The following CDH6 variants were observed in gnomAD, a reference collection of about 807,000 sequenced individuals.
CDH6 encodes cadherin-6.
CDH6 carries 31 observed loss-of-function variants against 78.0 expected under a neutral mutation model. The ratio of observed to expected loss-of-function variants is 0.40; its 90% confidence interval spans 0.30 to 0.54. The LOEUF (loss-of-function observed/expected upper bound fraction) is 0.54. Among genes scored for constraint, CDH6 ranks in the 20% least tolerant of loss-of-function variants. CDH6 has a pLI of 0.56. For missense variants in CDH6, 724 were observed against 975.9 expected, an observed-to-expected ratio of 0.74 and a Z score of 3.44; for synonymous variants, 376 against 368.8, an observed-to-expected ratio of 1.02 and a Z score of -0.23.
At chr5:31,289,010 T>C (rs1181669749) in intron 2 of CDH6, among the ~76,000 whole-genome samples, 2 of 152,154 alleles carry the variant, frequency 1.3e-5, no homozygotes, top group African/African-American at 2.4e-5. Flanking sequence ...AGAGGGTACA[T>C]GCACTTGTTA....
chr5:31,239,893 A>C (rs973762572), intron 1 of CDH6, among the ~76,000 whole-genome samples: 1 of 152,208 alleles, frequency 6.6e-6, no homozygotes, highest in Non-Finnish European at 1.5e-5. Flanking sequence ...CTAGTCTAGG[A>C]AAAAAGCACA....
chr5:31,266,582 C>T (rs1042118530), intron 1 of CDH6, among the ~76,000 whole-genome samples: 1 of 151,332 alleles, frequency 6.6e-6, no homozygotes, highest in African/African-American at 2.4e-5. Flanking sequence ...CTATTAAATA[C>T]AAATTCTATA....
chr5:31,285,698 C>T (rs146783726), intron 2 of CDH6, among the ~76,000 whole-genome samples: 151 of 152,272 alleles, frequency 9.9e-4, no homozygotes, highest in African/African-American at 3.6e-3. Flanking sequence ...AAATATAGTT[C>T]GGTAAAATCT....
intron 2 of CDH6, among the ~76,000 whole-genome samples, chr5:31,274,755 G>A (rs573533163): frequency 6.6e-6 from 1 of 152,230 alleles, no homozygotes. Context: ...GGGAGGCAAA[G>A]GTTGCAGTGA....
intron 1 of CDH6, among the ~76,000 whole-genome samples, chr5:31,216,537 C>T (rs1171298417): frequency 1.3e-5 from 2 of 151,810 alleles, no homozygotes; most frequent in Non-Finnish European, 2.9e-5. Context: ...TCTACCATAG[C>T]ATAGTCAAAT....
chr5:31,314,586 G>A (rs1007234991), intron 8 of CDH6, among the ~76,000 whole-genome samples: 10 of 151,860 alleles, frequency 6.6e-5, no homozygotes, highest in Admixed American at 4.6e-4. Flanking sequence ...GATAAGGACA[G>A]CACATTAGAA....
In CDH6 at chr5:31,210,076, TTGTGTGTGTG is replaced by T. The variant is rs60543109; in HGVS notation, c.-129+16214_-129+16223del. On this transcript the variant is annotated intron_variant, in intron 1 of 11. Transcript: ENST00000265071. Reference sequence around the variant, plus strand: ...ATTCTTGGGACCAGCTTTTCTTAAATTGTGTGTGTGTGTGTGTGTGTGTGTGTGTGTGTTT... The same window carrying T: ...ATTCTTGGGACCAGCTTTTCTTAAATTGTGTGTGTGTGTGTGTGTGTGTTT... Among the ~76,000 whole-genome samples the T allele has an allele frequency of 1.7e-4, 25 of 146,564 alleles. No individual in the cohort carries two copies. The South Asian group carries it at 4.5e-3, about 26-fold the overall frequency.
At chr5:31,298,504 G>A (rs1249188948) in intron 4 of CDH6, among the ~76,000 whole-genome samples, 4 of 152,248 alleles carry the variant, frequency 2.6e-5, no homozygotes, top group South Asian at 4.1e-4. Flanking sequence ...GAAAGCAGCC[G>A]CACTTTCACT....
rs182166537 is a variant in CDH6, at chr5:31,300,641, T to C, written c.811+1010T>C. ...AACAGTTTGCCCAAAACCTACTTTT[T>C]AATATGGAGATTCCCTGGGGAAGAA... On this transcript the variant is annotated intron_variant, in intron 5 of 11. Transcript: ENST00000265071. Among the ~76,000 whole-genome samples, 564 of 152,288 alleles carry C rather than the reference T, an allele frequency of 3.7e-3. 6 individuals are homozygous for C. The highest frequency in any genetic ancestry group is 0.01 in the Middle Eastern group (3 of 294).
chr5:31,312,445 T>A (rs1319111052), intron 7 of CDH6, among the ~76,000 whole-genome samples: 1 of 152,236 alleles, frequency 6.6e-6, no homozygotes, highest in African/African-American at 2.4e-5. Flanking sequence ...ATGACTGTTA[T>A]CCCAGCACTT....
At chr5:31,229,242 G>C (rs897619709) in intron 1 of CDH6, among the ~76,000 whole-genome samples, 5 of 152,254 alleles carry the variant, frequency 3.3e-5, no homozygotes, top group African/African-American at 1.2e-4. Context: ...AAGACTGCAA[G>C]CCTACTGGTT....
At chr5:31,205,480 A>G (rs986583412) in intron 1 of CDH6, among the ~76,000 whole-genome samples, 2 of 152,216 alleles carry the variant, frequency 1.3e-5, no homozygotes, top group East Asian at 3.8e-4. Context: ...CTGAAGCCTG[A>G]TTAATAATTT....
intron 2 of CDH6, among the ~76,000 whole-genome samples, chr5:31,276,482 GGT>G (rs908104418): frequency 6.6e-6 from 1 of 152,118 alleles, no homozygotes; most frequent in Non-Finnish European, 1.5e-5. Context: ...TAGGTGAGTT[GGT>G]GTGTTTCAAA....
At chr5:31,226,008 C>T (rs527326308) in intron 1 of CDH6, among the ~76,000 whole-genome samples, 2 of 152,280 alleles carry the variant, frequency 1.3e-5, no homozygotes, top group African/African-American at 4.8e-5. Flanking sequence ...TAGAGTCCTA[C>T]ATCCTGCCCT....
At chr5:31,312,640 A>C (rs942434781) in intron 7 of CDH6, among the ~76,000 whole-genome samples, 1 of 152,172 alleles carries the variant, frequency 6.6e-6, no homozygotes, top group African/African-American at 2.4e-5. Flanking sequence ...GCAGTAAACC[A>C]AGATCATGCC....
intron 1 of CDH6, among the ~76,000 whole-genome samples, chr5:31,206,478 C>T (rs1309384890): frequency 5.3e-5 from 8 of 152,248 alleles, no homozygotes; most frequent in Non-Finnish European, 1.0e-4. Flanking sequence ...TATCTGTTCG[C>T]TTTAATTTGA....
At chr5:31,293,886 T>C in intron 2 of CDH6, 76 bp from the exon 3 acceptor site, 1 of 948,718 alleles carries the variant, frequency 1.1e-6, no homozygotes, top group Non-Finnish European at 1.6e-6. Context: ...TAATGTAGCA[T>C]GCACCAAAAA....
At chr5:31,228,586 T>G (rs1741229124) in intron 1 of CDH6, among the ~76,000 whole-genome samples, 1 of 152,046 alleles carries the variant, frequency 6.6e-6, no homozygotes, top group Non-Finnish European at 1.5e-5. Context: ...GGAAGAAAAT[T>G]TTTCCACAGA....
chr5:31,267,596 T>C lies in CDH6; in HGVS notation c.123T>C (p.Ser41=), dbSNP rs1353211261. ...FPAKKRALEL[S]GNSKNELNRS... is the part of the protein sequence containing the mutation. ...CAAAGAAAAGGGCCCTGGAGCTCTC[T>C]GGAAACAGCAAAAATGAGCTGAACC... Residue 41 remains serine (S), a synonymous_variant, in exon 2 of 12, where the codon TCT becomes TCC. Transcript: ENST00000265071. The C allele has an allele frequency of 1.9e-6, 3 of 1,614,130 alleles. No homozygotes were observed. Among genetic ancestry groups the C allele is most frequent in the Non-Finnish European group, 2.5e-6 (3 of 1,180,030 alleles).
Sources: gnomAD v4.1 joint callset for allele counts (sites outside exome capture counted in the v4.1 genomes callset) on GRCh38, gnomAD v4.1.1 for gene constraint, MANE v1.5 for transcripts, NCBI Gene and HGNC (gene_info 2026-07-23, HGNC 2026-07-21) for gene names.